SEMA3D: variants seen among roughly 807,000 people sequenced by gnomAD.
SEMA3D encodes the protein semaphorin 3D, also known as semaphorin-3D.
Under a neutral mutation model 100.1 loss-of-function variants are expected in SEMA3D, and 84 were observed. That is an observed-to-expected ratio of 0.84 (90% CI 0.70 to 1.01). SEMA3D has a LOEUF of 1.01. Among genes scored for constraint, SEMA3D ranks in the 50% least tolerant of loss-of-function variants. SEMA3D has a pLI of 0.00. For synonymous variants in SEMA3D, 312 were observed against 320.7 expected (o/e 0.97, Z 0.29); for missense variants, 875 against 934.1 (o/e 0.94, Z 0.82).
At chr7:85,127,778 T>A (rs1479130308) in intron 2 of SEMA3D, among the ~76,000 whole-genome samples, 1 of 152,102 alleles carries the variant, frequency 6.6e-6, no homozygotes, top group Non-Finnish European at 1.5e-5. Context: ...ATCATCAGAG[T>A]TGACCTTTCT....
At chr7:85,019,118 G>A (rs1790185346) in intron 14 of SEMA3D, among the ~76,000 whole-genome samples, 1 of 151,608 alleles carries the variant, frequency 6.6e-6, no homozygotes, top group Non-Finnish European at 1.5e-5. Flanking sequence ...AATATGTTCA[G>A]TTTTTTGTTT....
intron 3 of SEMA3D, among the ~76,000 whole-genome samples, chr7:85,116,467 A>T (rs1373475596): frequency 6.7e-6 from 1 of 148,434 alleles, no homozygotes; most frequent in Non-Finnish European, 1.5e-5. Context: ...ATATATATAC[A>T]CCTATATAAA....
At chr7:85,144,633 T>C in intron 2 of SEMA3D, 3 of 984,924 alleles carry the variant, frequency 3.0e-6, no homozygotes, top group Non-Finnish European at 3.6e-6. Flanking sequence ...ATTTTTTCCT[T>C]TGGGAACTGG....
At chr7:85,090,403 A>C (rs1333874814) in intron 4 of SEMA3D, among the ~76,000 whole-genome samples, 1 of 152,152 alleles carries the variant, frequency 6.6e-6, no homozygotes, top group Non-Finnish European at 1.5e-5. Context: ...TGATTACTAG[A>C]CAGCATATGC....
chr7:85,028,825 A>C (rs995022795), intron 12 of SEMA3D: 1 of 221,442 alleles, frequency 4.5e-6, no homozygotes, highest in African/African-American at 2.3e-5. Context: ...CAGATTCCTG[A>C]TATTGTCCTG....
intron 10 of SEMA3D, chr7:85,041,878 A>G: frequency 3.2e-6 from 1 of 307,718 alleles, no homozygotes; most frequent in Non-Finnish European, 5.9e-6. Flanking sequence ...GACTGCATGG[A>G]GAATGGATGA....
At chr7:85,203,555 CTG>C in the SEMA3D span, among the ~76,000 whole-genome samples, 2 of 152,034 alleles carry the variant, frequency 1.3e-5, no homozygotes, top group Admixed American at 1.3e-4. Context: ...CACCTGGAAA[CTG>C]TGTGGGTAGA....
At chr7:85,053,327 T>C (rs893273850) in intron 9 of SEMA3D, among the ~76,000 whole-genome samples, 3 of 152,000 alleles carry the variant, frequency 2.0e-5, no homozygotes, top group African/African-American at 7.2e-5. Context: ...TTTTGTTTCA[T>C]AGCATAGATG....
At position 85,107,116 on chromosome 7, in the gene SEMA3D, G is replaced by A. The variant is rs558268695; in HGVS notation, c.152-9151C>T. Among the ~76,000 whole-genome samples the A allele has an allele frequency of 7.2e-5, 11 of 152,092 alleles. No individual in the cohort carries two copies. The East Asian group carries it at 1.8e-3, about 24-fold the overall frequency. On this transcript the variant is annotated intron_variant, in intron 3 of 18. Transcript: ENST00000284136. ...AAATAATTTGCCAGAATATATATATGTGTGTGTATATATGTGTAAAACTGA... is the reference window on the plus strand; with the variant it reads ...AAATAATTTGCCAGAATATATATATATGTGTGTATATATGTGTAAAACTGA...
In SEMA3D at chr7:85,120,720, G is replaced by T. The variant is rs1016020687; in HGVS notation, c.151+1021C>A. Among the ~76,000 whole-genome samples the T allele has an allele frequency of 1.4e-5, 2 of 148,124 alleles. 1 individual carries two copies. Among genetic ancestry groups the T allele is most frequent in the African/African-American group, 5.0e-5 (2 of 40,306 alleles). On this transcript the variant is annotated intron_variant, in intron 3 of 18. Transcript: ENST00000284136. ...TTGATTAAATAAGACATCAATAAAT[G>T]ATATTTCATAATGTGATCAATTTTT... is the stretch of plus-strand genomic sequence containing the variant.
intron 2 of SEMA3D, among the ~76,000 whole-genome samples, chr7:85,128,894 T>A (rs1789640392): frequency 6.8e-6 from 1 of 146,150 alleles, no homozygotes; most frequent in East Asian, 2.0e-4. Context: ...CTTTTTTTTT[T>A]TTTTTTTTTT....
intron 4 of SEMA3D, among the ~76,000 whole-genome samples, chr7:85,085,247 C>CA (rs1192240467): frequency 7.3e-5 from 11 of 151,516 alleles, no homozygotes; most frequent in African/African-American, 2.2e-4. Context: ...ATGTAGGAAA[C>CA]AAAAAAATAT....
chr7:85,205,365 C>T, the SEMA3D span, among the ~76,000 whole-genome samples: 765 of 152,208 alleles, frequency 5.0e-3, 8 homozygotes, highest in African/African-American at 0.017. Flanking sequence ...GTGATGGATA[C>T]GCTAATTAGC....
At chr7:85,013,542 G>A (rs1790016658) in intron 16 of SEMA3D, among the ~76,000 whole-genome samples, 1 of 151,600 alleles carries the variant, frequency 6.6e-6, no homozygotes, top group South Asian at 2.1e-4. Flanking sequence ...ATCTAAGCAG[G>A]TCTTACACTC....
At chr7:85,201,382 C>G in the SEMA3D span, among the ~76,000 whole-genome samples, 1 of 152,160 alleles carries the variant, frequency 6.6e-6, no homozygotes, top group Non-Finnish European at 1.5e-5. Flanking sequence ...AAGTGTGGAA[C>G]TCTTTCTCTT....
At chr7:85,179,018 C>G (rs1791321602) in intron 1 of SEMA3D, among the ~76,000 whole-genome samples, 1 of 152,142 alleles carries the variant, frequency 6.6e-6, no homozygotes, top group African/African-American at 2.4e-5. Flanking sequence ...GCAAAGAAGT[C>G]AAGAATGAGA....
intron 13 of SEMA3D, among the ~76,000 whole-genome samples, chr7:85,020,693 T>G (rs1288544421): frequency 2.0e-5 from 3 of 151,562 alleles, no homozygotes; most frequent in Non-Finnish European, 4.4e-5. Flanking sequence ...TTCTCTCTCT[T>G]CCTTCCATGT....
the SEMA3D span, among the ~76,000 whole-genome samples, chr7:85,225,850 C>T: frequency 6.6e-6 from 1 of 152,062 alleles, no homozygotes; most frequent in African/African-American, 2.4e-5. Context: ...GGGAATCTTT[C>T]CCATTTCAAT....
At chr7:85,107,008 T>G (rs923383605) in intron 3 of SEMA3D, among the ~76,000 whole-genome samples, 63 of 152,204 alleles carry the variant, frequency 4.1e-4, no homozygotes, top group African/African-American at 1.4e-3. Context: ...TATCACCATT[T>G]GTATTTCCAA....
Sources: gnomAD v4.1 joint callset for allele counts (sites outside exome capture counted in the v4.1 genomes callset) on GRCh38, gnomAD v4.1.1 for gene constraint, MANE v1.5 for transcripts, NCBI Gene and HGNC (gene_info 2026-07-23, HGNC 2026-07-21) for gene names.